Variants in CD300E observed in about 807,000 individuals in gnomAD.
CD300E encodes the protein CMRF35-like molecule 2.
A neutral mutation model predicts 20.9 loss-of-function variants in CD300E; 14 were observed. The observed-to-expected ratio is 0.67, with a 90% CI of 0.44 to 1.05. CD300E has a LOEUF of 1.05. Ranked by LOEUF, CD300E falls within the 50% of genes least tolerant of loss-of-function variation. The pLI, the probability that CD300E is intolerant of heterozygous loss-of-function variation, is 0.00. For synonymous variants in CD300E, 102 were observed against 103.7 expected (o/e 0.98, Z 0.10); for missense variants, 237 against 253.9 (o/e 0.93, Z 0.45).
At position 74,612,247 on chromosome 17, in the gene CD300E, G is replaced by GTCTCTCTCTCTGTCTCTCTCTCTCTCTC. The variant is rs2030798086; in HGVS notation, c.*405_*406insGAGAGAGAGAGAGAGACAGAGAGAGAGA. ...TCGCTCTCTCTCTCTCTCTCTCTCT[G>GTCTCTCTCTCTGTCTCTCTCTCTCTCTC]TCTCTCTCTCTCTCTCTCTCTCTCT... On this transcript the variant is annotated 3_prime_UTR_variant, in exon 4 of 4. Coordinates refer to ENST00000392619, the MANE Select transcript of CD300E (RefSeq NM_181449.3). The GTCTCTCTCTCTGTCTCTCTCTCTCTCTC allele has an allele frequency of 1.9e-5, 2 of 103,230 alleles. No homozygotes were observed. Among genetic ancestry groups the GTCTCTCTCTCTGTCTCTCTCTCTCTCTC allele is most frequent in the African/African-American group, 7.3e-5 (2 of 27,504 alleles). 6.4% of individuals were successfully genotyped at this position (103,230 alleles called of 1,614,324 possible).
chr17:74,623,488 G>T lies in CD300E; in HGVS notation c.40+94C>A, dbSNP rs115257540. On this transcript the variant is annotated intron_variant, in intron 1 of 3. Transcript: ENST00000392619. ...CGGATGTATCTTTCCCTTTTCTGTG[G>T]ACACTTCACCTCTGGTTTGAACCCA... The T allele has an allele frequency of 1.2e-3, 1,470 of 1,196,810 alleles. 16 individuals carry two copies. The African/African-American group carries it at 0.019, about 16-fold the overall frequency. The allele number at this position is 1,196,810 out of a possible 1,614,324, so 74.1% of individuals were successfully genotyped here. A position where few individuals can be genotyped will look rare whatever the true frequency, so the allele number is the denominator to read the frequency against.
At position 74,613,995 on chromosome 17, in the gene CD300E, G is replaced by A. The variant is rs180839822; in HGVS notation, c.427C>T (p.Pro143Ser). ...GGGTTCACCACCAGGAAGATGGGAG[G>A]TGTGGCTGGATGTGTGGTCCTCCTT... ...TPRRTTHPAT[P>S]PIFLVVNPGR... The change falls in exon 3 of 4, where the codon CCT becomes TCT. Residue 143 changes from proline (P) to serine (S), a missense_variant. By Grantham distance (74) the Pro-to-Ser change is moderately conservative (BLOSUM62 -1). Coordinates refer to ENST00000392619, the MANE Select transcript of CD300E (RefSeq NM_181449.3). 3.7e-6 allele frequency: 6 copies of A among 1,614,062 alleles called. No homozygotes were observed. In the African/African-American group the frequency reaches 8.0e-5, roughly 22 times the overall value.
At chr17:74,614,528 G>T (rs1436331362) in intron 2 of CD300E, among the ~76,000 whole-genome samples, 1 of 145,986 alleles carries the variant, frequency 6.8e-6, no homozygotes, top group Non-Finnish European at 1.5e-5. Flanking sequence ...GCCCAGGTTG[G>T]TTGGAGTGCA....
At chr17:74,614,138 G>C in intron 2 of CD300E, 105 bp from the exon 3 acceptor site, 1 of 921,644 alleles carries the variant, frequency 1.1e-6, no homozygotes, top group Non-Finnish European at 1.7e-6. Flanking sequence ...GAAGAGGCTG[G>C]AAAGATCTTC....
chr17:74,619,498 T>C lies in CD300E; in HGVS notation c.41-2033A>G, dbSNP rs541495455. 2.0e-4 allele frequency among the ~76,000 whole-genome samples: 30 copies of C among 152,314 alleles called. 1 individual carries two copies. On this transcript the variant is annotated intron_variant, in intron 1 of 3. Coordinates refer to ENST00000392619, the MANE Select transcript of CD300E (RefSeq NM_181449.3). Reference sequence around the variant, plus strand: ...AAGAGCTGGCCTGGCCTTCTGCCCCTGGCCTCTGGAAAGAGGCTTTCTCCT... The same window carrying C: ...AAGAGCTGGCCTGGCCTTCTGCCCCCGGCCTCTGGAAAGAGGCTTTCTCCT...
At chr17:74,620,966 C>G (rs2143372254) in intron 1 of CD300E, among the ~76,000 whole-genome samples, 1 of 152,076 alleles carries the variant, frequency 6.6e-6, no homozygotes, top group East Asian at 1.9e-4. Flanking sequence ...TTGCTTGAAC[C>G]TGATTGGCGG....
In CD300E at chr17:74,615,585, C is replaced by T. The variant is rs146590624; in HGVS notation, c.388+1533G>A. Among the ~76,000 whole-genome samples, 838 of 152,278 alleles carry T rather than the reference C, an allele frequency of 5.5e-3. 4 individuals carry two copies. Among genetic ancestry groups the T allele is most frequent in the African/African-American group, 0.019 (775 of 41,550 alleles). ...TTTTCTCACTTTTTTTCCCCAGCAG[C>T]GCTAGAGCAGGTGGATTTTAGACAG... is the stretch of plus-strand genomic sequence containing the variant. On this transcript the variant is annotated intron_variant, in intron 2 of 3. Coordinates refer to ENST00000392619, the MANE Select transcript of CD300E (RefSeq NM_181449.3).
chr17:74,619,024 C>G, intron 1 of CD300E: 1 of 466,656 alleles, frequency 2.1e-6, no homozygotes, highest in Non-Finnish European at 4.5e-6. Context: ...CTGCTCCCCA[C>G]CTACGTTCTC....
At chr17:74,617,021 G>T in intron 2 of CD300E, 97 bp downstream of exon 2, 1 of 1,048,836 alleles carries the variant, frequency 9.5e-7, no homozygotes. Flanking sequence ...CTGAGGACAA[G>T]ACAAGACTTG....
intron 1 of CD300E, among the ~76,000 whole-genome samples, chr17:74,621,951 T>G (rs2031031563): frequency 6.6e-6 from 1 of 152,074 alleles, no homozygotes. Flanking sequence ...AATTCTAGTT[T>G]TGCTCTTTTT....
At chr17:74,616,798 GT>G (rs1473129229) in intron 2 of CD300E, among the ~76,000 whole-genome samples, 4 of 152,148 alleles carry the variant, frequency 2.6e-5, no homozygotes, top group Non-Finnish European at 4.4e-5. Flanking sequence ...GTACAGGAGT[GT>G]TTCTTCTTTG....
At chr17:74,618,737 GCC>G (rs1286573450) in intron 1 of CD300E, among the ~76,000 whole-genome samples, 1 of 151,940 alleles carries the variant, frequency 6.6e-6, no homozygotes. Context: ...ACCATGCTTG[GCC>G]TGAGACAATC....
chr17:74,614,475 CTTTTTTTT>C (rs151029563), intron 2 of CD300E, among the ~76,000 whole-genome samples: 1 of 113,338 alleles, frequency 8.8e-6, no homozygotes, highest in African/African-American at 3.7e-5. Context: ...TGTGGACACT[CTTTTTTTT>C]TTTTTTTTTT....
chr17:74,613,044 G>T (rs1014776182), intron 3 of CD300E, among the ~76,000 whole-genome samples: 5 of 152,164 alleles, frequency 3.3e-5, no homozygotes, highest in Non-Finnish European at 7.4e-5. Context: ...CACCCTCTCT[G>T]TCCCTGTCCC....
chr17:74,622,280 G>T lies in CD300E; in HGVS notation c.40+1302C>A, dbSNP rs115241297. 3.4e-3 allele frequency among the ~76,000 whole-genome samples: 516 copies of T among 151,992 alleles called. 3 individuals are homozygous for T. The highest frequency in any genetic ancestry group is 0.012 in the African/African-American group (487 of 41,468). On this transcript the variant is annotated intron_variant, in intron 1 of 3. Coordinates refer to ENST00000392619, the MANE Select transcript of CD300E (RefSeq NM_181449.3). The stretch of plus-strand genomic sequence containing the variant: ...ATAGGGGTGGAAAGAGAGATGGAAA[G>T]GGCAAAGAAAAAGGAAGCAAATTCA...
intron 2 of CD300E, among the ~76,000 whole-genome samples, chr17:74,615,841 C>A (rs1012242963): frequency 6.6e-6 from 1 of 152,098 alleles, no homozygotes; most frequent in Non-Finnish European, 1.5e-5. Flanking sequence ...GTCCCAGCAC[C>A]TTGGGAGGCC....
At chr17:74,623,206 A>G (rs920626242) in intron 1 of CD300E, among the ~76,000 whole-genome samples, 1 of 152,142 alleles carries the variant, frequency 6.6e-6, no homozygotes, top group African/African-American at 2.4e-5. Context: ...TGGACTTCCA[A>G]TGAAGCCTCA....
In CD300E at chr17:74,613,917, G is replaced by A. The variant is rs368256347; in HGVS notation, c.497+8C>T. 2.7e-5 allele frequency: 43 copies of A among 1,607,398 alleles called. 1 individual carries two copies. Among genetic ancestry groups the A allele is most frequent in the Admixed American group, 1.2e-4 (7 of 59,764 alleles). On this transcript the variant is annotated splice_region_variant and intron_variant, in intron 3 of 3. Coordinates refer to ENST00000392619, the MANE Select transcript of CD300E (RefSeq NM_181449.3). ...TCCCTCCATGGCCTCCAGGCCCTGC[G>A]TGCTTACCCTGAATTTTGGGTCAAC... is the stretch of plus-strand genomic sequence containing the variant.
rs1449730237 is a variant in CD300E at position 74,610,845 on chromosome 17, G to A, written c.*1808C>T. On this transcript the variant is annotated 3_prime_UTR_variant, in exon 4 of 4. Coordinates refer to ENST00000392619, the MANE Select transcript of CD300E (RefSeq NM_181449.3). ...CCATTTGCTGATAGGTCTTCTATAA[G>A]TGACTATTGTTATGAAGATTATTTC... The A allele has an allele frequency of 6.6e-6, 1 of 152,262 alleles. No homozygotes were observed. The highest frequency in any genetic ancestry group is 1.5e-5 in the Non-Finnish European group (1 of 68,070). The allele number at this position is 152,262 out of a possible 1,614,324, so 9.4% of individuals were successfully genotyped here.
Sources: gnomAD v4.1 joint callset for allele counts (sites outside exome capture counted in the v4.1 genomes callset) on GRCh38, gnomAD v4.1.1 for gene constraint, MANE v1.5 for transcripts, NCBI Gene and HGNC (gene_info 2026-07-23, HGNC 2026-07-21) for gene names.